TMEM138: variants seen among roughly 807,000 people sequenced by gnomAD.
TMEM138 encodes the protein transmembrane protein 138.
In TMEM138, 9 loss-of-function variants were observed where a neutral mutation model predicts 18.1. The observed-to-expected ratio is 0.50, with a 90% CI of 0.30 to 0.87. The LOEUF is 0.87. TMEM138 is among the 40% of genes least tolerant of loss of function. The pLI, the probability that TMEM138 is intolerant of heterozygous loss-of-function variation, is 0.06. For missense variants in TMEM138, 189 were observed against 190.6 expected, an observed-to-expected ratio of 0.99 and a Z score of 0.05; for synonymous variants, 79 against 74.8, an observed-to-expected ratio of 1.06 and a Z score of -0.29.
downstream of TMEM138, among the ~76,000 whole-genome samples, chr11:61,375,082 T>C (rs988154451): frequency 1.3e-5 from 2 of 152,200 alleles, no homozygotes; most frequent in Non-Finnish European, 2.9e-5. Flanking sequence ...GAAATGTTCA[T>C]GAAAAATGAA....
downstream of TMEM138, among the ~76,000 whole-genome samples, chr11:61,374,744 T>C (rs894660598): frequency 1.3e-5 from 2 of 152,146 alleles, no homozygotes; most frequent in African/African-American, 4.8e-5. Context: ...TGTCAGGAGA[T>C]TGAGAACCAT....
In TMEM138 at chr11:61,367,928, A is replaced by G; in HGVS notation, c.306A>G (p.Leu102=). 6.2e-7 allele frequency: 1 copy of G among 1,610,916 alleles called. No individual in the cohort carries two copies. The highest frequency in any genetic ancestry group is 1.1e-5 in the South Asian group (1 of 91,012). ...SISLHVWVMN[L]RWKNSNSFIW... is the part of the protein sequence containing the mutation. ...GTATCTCACATCTCCTTCAGAACTT[A>G]CGCTGGAAAAACTCCAACAGCTTCA... The change falls in exon 4 of 5, where the codon TTA becomes TTG. Residue 102 remains leucine (L), a synonymous_variant. Coordinates refer to ENST00000278826, the MANE Select transcript of TMEM138 (RefSeq NM_016464.5).
In TMEM138 at chr11:61,364,537, T is replaced by G. The variant is rs746435246; in HGVS notation, c.128+19T>G. 2 of 1,613,672 alleles carry G rather than the reference T, an allele frequency of 1.2e-6. No homozygotes were observed. Among genetic ancestry groups the G allele is most frequent in the Admixed American group, 3.3e-5 (2 of 60,008 alleles). On this transcript the variant is annotated intron_variant, in intron 2 of 4. Coordinates refer to ENST00000278826, the MANE Select transcript of TMEM138 (RefSeq NM_016464.5). Reference sequence around the variant, plus strand: ...TCTTCATGTGCGTGCAGTAAGGCACTCTGGAAAGCTGAACCCACGCAATTC... The same window carrying G: ...TCTTCATGTGCGTGCAGTAAGGCACGCTGGAAAGCTGAACCCACGCAATTC...
In TMEM138 at chr11:61,365,912, C is replaced by T. The variant is rs548758849; in HGVS notation, c.129-133C>T. The T allele has an allele frequency of 9.2e-5, 106 of 1,152,084 alleles. No individual in the cohort carries two copies. The African/African-American group carries it at 1.4e-3, about 16-fold the overall frequency. The allele number at this position is 1,152,084 out of a possible 1,614,324, so 71.4% of individuals were successfully genotyped here. On this transcript the variant is annotated intron_variant, in intron 2 of 4. Coordinates refer to ENST00000278826, the MANE Select transcript of TMEM138 (RefSeq NM_016464.5). ...TCAGGTCCCAAAACCCATGTTATCT[C>T]TGTGAGGGTTTAAGATGTCAGATGC...
chr11:61,372,217 G>A (rs1046034657), downstream of TMEM138, among the ~76,000 whole-genome samples: 2 of 150,500 alleles, frequency 1.3e-5, no homozygotes, highest in Non-Finnish European at 3.0e-5. Flanking sequence ...CTAAAGAATT[G>A]AAGTATTCAA....
downstream of TMEM138, among the ~76,000 whole-genome samples, chr11:61,374,981 C>T (rs890754428): frequency 6.6e-6 from 1 of 152,040 alleles, no homozygotes; most frequent in Non-Finnish European, 1.5e-5. Context: ...AACAAACAAA[C>T]TCTAATAGGT....
chr11:61,365,697 C>T, intron 2 of TMEM138: 1 of 175,392 alleles, frequency 5.7e-6, no homozygotes, highest in African/African-American at 2.4e-5. Flanking sequence ...CCACTGCACT[C>T]CAGTCTGGGC....
At chr11:61,375,560 C>T (rs968472961), downstream of TMEM138, among the ~76,000 whole-genome samples, 12 of 152,114 alleles carry the variant, frequency 7.9e-5, no homozygotes, top group South Asian at 1.9e-3. Context: ...TGACCTCAGG[C>T]GATCCACCCA....
chr11:61,363,868 G>A (rs1332715130), intron 1 of TMEM138: 1 of 152,246 alleles, frequency 6.6e-6, no homozygotes, highest in Non-Finnish European at 1.5e-5. Flanking sequence ...AAATGGGGAA[G>A]GTAATAATGT....
At chr11:61,376,740 C>T (rs1858440813), downstream of TMEM138, among the ~76,000 whole-genome samples, 1 of 152,108 alleles carries the variant, frequency 6.6e-6, no homozygotes, top group South Asian at 2.1e-4. Flanking sequence ...TGTTGTTGTT[C>T]TCCCTTCCTC....
downstream of TMEM138, among the ~76,000 whole-genome samples, chr11:61,370,796 A>C (rs1271243261): frequency 6.6e-6 from 1 of 152,068 alleles, no homozygotes; most frequent in African/African-American, 2.4e-5. Context: ...TCCATAGACT[A>C]TAGGATACAT....
Position 61,368,665 on chromosome 11 carries a change from G to A in TMEM138, c.445G>A (p.Asp149Asn), listed in dbSNP as rs148324088. 2 of 1,614,108 alleles carry A rather than the reference G, an allele frequency of 1.2e-6. No individual in the cohort carries two copies. The highest frequency in any genetic ancestry group is 1.7e-6 in the Non-Finnish European group (2 of 1,180,026). ...ACTAGGCGATCCTCACTTCTACCAG[G>A]ACTCTTTGTGGCTGCGCAAGGAGTT... ...VRLGDPHFYQ[D>N]SLWLRKEFMQ... Residue 149 changes from aspartate (D) to asparagine (N), a missense_variant, in exon 5 of 5, where the codon GAC becomes AAC. Transcript: ENST00000278826.
Position 61,364,425 on chromosome 11 carries a change from C to A in TMEM138, c.35C>A (p.Ser12Tyr), listed in dbSNP as rs1350244778. The A allele has an allele frequency of 6.8e-6, 11 of 1,614,206 alleles. No homozygotes were observed. The highest frequency in any genetic ancestry group is 1.7e-5 in the Admixed American group (1 of 60,032). Residue 12 changes from serine (S) to tyrosine (Y), a missense_variant, in exon 2 of 5, where the codon TCT becomes TAT. Coordinates refer to ENST00000278826, the MANE Select transcript of TMEM138 (RefSeq NM_016464.5). ...LQTSNYSLVL[S>Y]LQFLLLSYDL... ...ACCAGTAACTACAGCCTGGTGCTCT[C>A]TCTGCAGTTCCTGCTGCTGTCCTAT...
intron 2 of TMEM138, 125 bp downstream of exon 2, chr11:61,364,643 C>A (rs1419659182): frequency 2.3e-6 from 3 of 1,322,362 alleles, no homozygotes; most frequent in Non-Finnish European, 3.1e-6. Context: ...AATCCCAGGA[C>A]TTTGGGAAGC....
At position 61,369,124 on chromosome 11, in the gene TMEM138, A is replaced by C. The variant is rs1565080793; in HGVS notation, c.*415A>C. On this transcript the variant is annotated 3_prime_UTR_variant, in exon 5 of 5. Transcript: ENST00000278826. ...GATAGTTACGTGCTCCTGACTGATC[A>C]CACCGCAGACATTTAGATTTTTATA... The C allele has an allele frequency of 6.1e-6, 1 of 163,734 alleles. No homozygotes were observed. The highest frequency in any genetic ancestry group is 1.3e-5 in the Non-Finnish European group (1 of 74,940). 10.1% of individuals were successfully genotyped at this position (163,734 alleles called of 1,614,324 possible).
At chr11:61,364,749 G>T in intron 2 of TMEM138, 2 of 422,172 alleles carry the variant, frequency 4.7e-6, no homozygotes, top group East Asian at 9.0e-5. Flanking sequence ...TTTAAAATTA[G>T]CTAGGCATGG....
chr11:61,368,602 G>A lies in TMEM138; in HGVS notation c.382G>A (p.Val128Met). ...CTTCTGCTTCCTCCCCACAGCAGCA[G>A]TGTTGTACTGCTACTTCTATAAACG... ...MLFVFQRLAA[V>M]LYCYFYKRTA... The change falls in exon 5 of 5, where the codon GTG becomes ATG. Residue 128 changes from valine (V) to methionine (M), a missense_variant. By Grantham distance (21) the Val-to-Met change is conservative (BLOSUM62 1). Transcript: ENST00000278826. The A allele has an allele frequency of 1.2e-6, 2 of 1,612,196 alleles. No individual in the cohort carries two copies. Among genetic ancestry groups the A allele is most frequent in the Non-Finnish European group, 1.7e-6 (2 of 1,178,638 alleles).
downstream of TMEM138, among the ~76,000 whole-genome samples, chr11:61,371,827 G>C (rs1383894095): frequency 6.6e-6 from 1 of 152,170 alleles, no homozygotes; most frequent in Non-Finnish European, 1.5e-5. Flanking sequence ...ATCTCAAAAG[G>C]GGAAGCCTTG....
chr11:61,376,359 AT>A (rs1162316305), downstream of TMEM138, among the ~76,000 whole-genome samples: 64 of 152,316 alleles, frequency 4.2e-4, no homozygotes, highest in Admixed American at 1.1e-3. Context: ...AAAAAAAAAA[AT>A]AATGGAAAAC....
Sources: allele counts gnomAD v4.1 joint callset (sites outside exome capture counted in the v4.1 genomes callset), GRCh38; gene constraint gnomAD v4.1.1; transcripts MANE v1.5; gene names NCBI Gene and HGNC (gene_info 2026-07-23, HGNC 2026-07-21).